The following MYH13 variants were observed in gnomAD, a reference collection of about 807,000 sequenced individuals.
The protein encoded by MYH13 is myosin-13.
MYH13 carries 177 observed loss-of-function variants against 232.1 expected under a neutral mutation model. The ratio of observed to expected loss-of-function variants is 0.76; its 90% CI spans 0.67 to 0.86. The LOEUF is 0.86. Ranked by LOEUF, MYH13 falls within the 40% of genes least tolerant of loss-of-function variation. MYH13 has a pLI of 0.00. For missense variants in MYH13, 2,246 were observed against 2,405.9 expected (o/e 0.93, Z 1.39); for synonymous variants, 884 against 923.5 (o/e 0.96, Z 0.78).
At chr17:10,323,956 T>G in intron 23 of MYH13, 66 bp downstream of exon 23, 1 of 1,580,162 alleles carries the variant, frequency 6.3e-7, no homozygotes, top group East Asian at 2.2e-5. Context: ...CCACCCTTTC[T>G]CCTCCTTACA....
In MYH13 at chr17:10,313,162, C is replaced by T. The variant is rs1485458248; in HGVS notation, c.4177G>A (p.Ala1393Thr). 1.2e-6 allele frequency: 2 copies of T among 1,614,136 alleles called. No individual in the cohort carries two copies. The highest frequency in any genetic ancestry group is 1.7e-5 in the Admixed American group (1 of 60,024). The change falls in exon 30 of 41, where the codon GCC (alanine) becomes ACC (threonine). Residue 1393 changes from alanine (A) to threonine (T), a missense_variant. Coordinates refer to ENST00000252172, the MANE Select transcript of MYH13 (RefSeq NM_003802.3). ...AIQRTEELEE[A>T]KKKLAQRLQE... Reference sequence around the variant, plus strand: ...TTGCCACCCTGGAGCCCCTACTTGGCCTCCTCCAGCTCCTCTGTGCGCTGA... The same window carrying T: ...TTGCCACCCTGGAGCCCCTACTTGGTCTCCTCCAGCTCCTCTGTGCGCTGA...
intron 7 of MYH13, 60 bp downstream of exon 7, chr17:10,359,900 A>T: frequency 6.8e-7 from 1 of 1,475,246 alleles, no homozygotes; most frequent in Non-Finnish European, 9.5e-7. Context: ...CTTGGTGCTC[A>T]TCCACGCTTT....
chr17:10,365,572 A>AG (rs1331642101), intron 2 of MYH13, among the ~76,000 whole-genome samples: 1 of 152,214 alleles, frequency 6.6e-6, no homozygotes, highest in African/African-American at 2.4e-5. Flanking sequence ...TGGCTGGCAT[A>AG]GTGCCTTCCT....
In MYH13 at chr17:10,318,930, G is replaced by C. The variant is rs1165541592; in HGVS notation, c.3598C>G (p.Gln1200Glu). Residue 1200 changes from glutamine (Q) to glutamate (E), a missense_variant, in exon 27 of 41, where the codon CAA (glutamine) becomes GAA (glutamate). By Grantham distance (29) the Gln-to-Glu change is conservative. Coordinates refer to ENST00000252172, the MANE Select transcript of MYH13 (RefSeq NM_003802.3). ...CCAAGCTCGGCCACACTATCTGCTT[G>C]CTTCTTCCTCAGGGTGGCTGCTGTG... ...EATAATLRKKQADSVAELGEQ... is the reference protein window; with the variant it reads ...EATAATLRKKEADSVAELGEQ... 3.1e-6 allele frequency: 5 copies of C among 1,614,048 alleles called. No homozygotes were observed. Among genetic ancestry groups the C allele is most frequent in the Non-Finnish European group, 4.2e-6 (5 of 1,180,034 alleles).
At chr17:10,325,745 C>T (rs953235916) in intron 22 of MYH13, among the ~76,000 whole-genome samples, 8 of 152,166 alleles carry the variant, frequency 5.3e-5, no homozygotes, top group Non-Finnish European at 1.0e-4. Context: ...GGCGCGATCT[C>T]GGCTCACTGC....
At chr17:10,359,272 T>C (rs976079364) in intron 7 of MYH13, among the ~76,000 whole-genome samples, 1 of 152,090 alleles carries the variant, frequency 6.6e-6, no homozygotes, top group Non-Finnish European at 1.5e-5. Context: ...GGGCTGGAGG[T>C]TGAGTCAATC....
At chr17:10,320,739 T>C (rs1906910446) in intron 24 of MYH13, among the ~76,000 whole-genome samples, 1 of 152,132 alleles carries the variant, frequency 6.6e-6, no homozygotes, top group African/African-American at 2.4e-5. Context: ...TCTCAGCTGA[T>C]TCCCACCTGG....
In MYH13 at chr17:10,309,299, T is replaced by G. The variant is rs371176503; in HGVS notation, c.5104A>C (p.Thr1702Pro). The change falls in exon 35 of 41, where the codon ACC becomes CCC. Residue 1702 changes from threonine (T) to proline (P), a missense_variant. By Grantham distance (38) the Thr-to-Pro change is conservative (BLOSUM62 -1). Coordinates refer to ENST00000252172, the MANE Select transcript of MYH13 (RefSeq NM_003802.3). ...MKVALEQTER[T>P]RRLSEQELLD... ...AGCTCCTGCTCTGACAGCCTGCGGGTCCGCTCCGTCTGTTCCAGGGCCACC... is the reference window on the plus strand; with the variant it reads ...AGCTCCTGCTCTGACAGCCTGCGGGGCCGCTCCGTCTGTTCCAGGGCCACC... The G allele has an allele frequency of 6.2e-7, 1 of 1,613,746 alleles. No individual in the cohort carries two copies. Among genetic ancestry groups the G allele is most frequent in the Non-Finnish European group, 8.5e-7 (1 of 1,179,848 alleles).
chr17:10,309,884 TG>T, intron 33 of MYH13, 54 bp from the exon 34 acceptor site: 1 of 1,435,084 alleles, frequency 7.0e-7, no homozygotes, highest in Non-Finnish European at 9.3e-7. Context: ...CCTTCATGAA[TG>T]GGTATTTTCA....
At position 10,318,855 on chromosome 17, in the gene MYH13, TCTC is replaced by T. The variant is rs763346140; in HGVS notation, c.3670_3672del (p.Glu1224del). 3.1e-6 allele frequency: 5 copies of T among 1,614,076 alleles called. No homozygotes were observed. The highest frequency in any genetic ancestry group is 2.2e-5 in the East Asian group (1 of 44,870). ...TCAATCTCCATCTTCAGCTCGCTCTTCTCCTTCTCCAGCTTCTGCTTCACCCGC... is the reference window on the plus strand; with the variant it reads ...TCAATCTCCATCTTCAGCTCGCTCTTCTTCTCCAGCTTCTGCTTCACCCGC... On this transcript the variant is annotated inframe_deletion, in exon 27 of 41. Coordinates refer to ENST00000252172, the MANE Select transcript of MYH13 (RefSeq NM_003802.3).
At chr17:10,310,525 A>G (rs1314824949) in intron 33 of MYH13, among the ~76,000 whole-genome samples, 1 of 152,224 alleles carries the variant, frequency 6.6e-6, no homozygotes, top group Admixed American at 6.5e-5. Flanking sequence ...GCTCATGAAC[A>G]AATTATTTTA....
At chr17:10,338,324 G>A (rs2071592117) in intron 18 of MYH13, among the ~76,000 whole-genome samples, 1 of 131,416 alleles carries the variant, frequency 7.6e-6, no homozygotes, top group African/African-American at 2.8e-5. Flanking sequence ...TCAGGAGGCT[G>A]CAGGATGCCC....
intron 7 of MYH13, among the ~76,000 whole-genome samples, chr17:10,359,049 G>A (rs1567672327): frequency 6.6e-6 from 1 of 152,188 alleles, no homozygotes; most frequent in Non-Finnish European, 1.5e-5. Flanking sequence ...AATAGGAATG[G>A]TATATTTTGG....
intron 37 of MYH13, 90 bp from the exon 38 acceptor site, chr17:10,303,588 A>T: frequency 4.6e-6 from 5 of 1,084,316 alleles, no homozygotes; most frequent in Non-Finnish European, 7.0e-6. Context: ...GAGTGAACTC[A>T]AGATCCCCTA....
At chr17:10,355,827 A>ACTTTTTTTTTTTTTTTT (rs2071744633) in intron 8 of MYH13, among the ~76,000 whole-genome samples, 1 of 74,284 alleles carries the variant, frequency 1.3e-5, no homozygotes, top group Non-Finnish European at 2.6e-5. Flanking sequence ...GTTCTGTCTG[A>ACTTTTTTTTTTTTTTTT]CTTTTTTTTT....
chr17:10,311,431 T>G (rs1025645682), intron 32 of MYH13, among the ~76,000 whole-genome samples: 1 of 152,136 alleles, frequency 6.6e-6, no homozygotes, highest in Non-Finnish European at 1.5e-5. Context: ...AAGTAAAGAA[T>G]AGAAACTTAA....
At chr17:10,325,398 C>T (rs376271172) in intron 22 of MYH13, among the ~76,000 whole-genome samples, 2 of 152,030 alleles carry the variant, frequency 1.3e-5, no homozygotes, top group African/African-American at 4.8e-5. Flanking sequence ...AGGCTGGTCT[C>T]GAGCTTCTGA....
Position 10,345,252 on chromosome 17 carries a change from A to G in MYH13, c.1534T>C (p.Phe512Leu), listed in dbSNP as rs774016181. 5.0e-6 allele frequency: 8 copies of G among 1,613,838 alleles called. No individual in the cohort carries two copies. In the Admixed American group the frequency reaches 1.0e-4, roughly 20 times the overall value. Residue 512 changes from phenylalanine (F) to leucine (L), a missense_variant, in exon 15 of 41, where the codon TTC becomes CTC. Physicochemically the swap from Phe to Leu is conservative, Grantham distance 22. Coordinates refer to ENST00000252172, the MANE Select transcript of MYH13 (RefSeq NM_003802.3). ...EYKKEGIEWE[F>L]IDFGMDLAAC... ...GCCAGGTCCATTCCGAAGTCAATGA[A>G]CTCCCACTCGATGCCTTCCTTCTTG...
Position 10,306,220 on chromosome 17 carries a change from ATGTGTGTGTGTGTGTGTGTGTGTGTG to A in MYH13, c.5466+213_5466+238del. On this transcript the variant is annotated intron_variant, in intron 37 of 40. Transcript: ENST00000252172. This position sits in a 1 kb window ranked among gnomAD's most constrained non-coding sequence, Gnocchi z 4.3. ...CTGAGGTGTGAGCATACCAAAATAG[ATGTGTGTGTGTGTGTGTGTGTGTGTG>A]TGTGTGTGTGTGTGTGTGTGTGTTT... Among the ~76,000 whole-genome samples, 1 of 129,944 alleles carries A rather than the reference ATGTGTGTGTGTGTGTGTGTGTGTGTG, an allele frequency of 7.7e-6. No homozygotes were observed. The highest frequency in any genetic ancestry group is 2.2e-4 in the East Asian group (1 of 4,512). 85.2% of individuals were successfully genotyped at this position (129,944 alleles called of 152,430 possible).
Sources: gnomAD v4.1 joint callset for allele counts (sites outside exome capture counted in the v4.1 genomes callset) on GRCh38, gnomAD v4.1.1 for gene constraint, Gnocchi (gnomAD v3.1) non-coding constraint, MANE v1.5 for transcripts, NCBI Gene and HGNC (gene_info 2026-07-23, HGNC 2026-07-21) for gene names.